Variants in SRGAP1 observed in about 807,000 individuals in gnomAD.
The protein encoded by SRGAP1 is SLIT-ROBO Rho GTPase activating protein 1.
A neutral mutation model predicts 121.9 loss-of-function variants in SRGAP1; 43 were observed. The observed-to-expected ratio is 0.35, with a 90% CI of 0.28 to 0.46. The LOEUF is 0.46. Among genes scored for constraint, SRGAP1 ranks in the 20% least tolerant of loss-of-function variants. SRGAP1 has a pLI of 1.00. For synonymous variants in SRGAP1, 447 were observed against 485.4 expected (o/e 0.92, Z 1.04); for missense variants, 1,102 against 1,350.9 (o/e 0.82, Z 2.89).
chr12:64,125,913 A>G lies in SRGAP1; in HGVS notation c.2225-64A>G, dbSNP rs1212069509. The stretch of plus-strand genomic sequence containing the variant: ...ATTTGAAGCCTCATAGAGCCCTCAC[A>G]GATAGGATACCATGCCTTCCTAACA... On this transcript the variant is annotated intron_variant, in intron 18 of 21. Coordinates refer to ENST00000355086, the MANE Select transcript of SRGAP1 (RefSeq NM_020762.4). 3 of 1,550,666 alleles carry G rather than the reference A, an allele frequency of 1.9e-6. No homozygotes were observed. In the African/African-American group the frequency reaches 4.1e-5, roughly 21 times the overall value.
At chr12:64,072,148 G>GTGTGTGTGT (rs1555171583) in intron 8 of SRGAP1, among the ~76,000 whole-genome samples, 103 of 52,924 alleles carry the variant, frequency 1.9e-3, no homozygotes, top group Non-Finnish European at 3.0e-3. Context: ...GTGTGTGTGT[G>GTGTGTGTGT]GGCGGCGGGG....
rs1402044480 is a variant in SRGAP1 at position 64,150,853 on chromosome 12, T to A, written c.*8181T>A. The A allele has an allele frequency of 6.7e-6, 1 of 148,238 alleles. No individual in the cohort carries two copies. Among genetic ancestry groups the A allele is most frequent in the African/African-American group, 2.5e-5 (1 of 40,236 alleles). 9.2% of individuals were successfully genotyped at this position (148,238 alleles called of 1,614,324 possible). ...GGGAGGCTGAGGCAGGAAGATTGCT[T>A]GAGCCCAGATGTTTGAGGCTGCAAT... On this transcript the variant is annotated 3_prime_UTR_variant, in exon 22 of 22. Transcript: ENST00000355086.
At chr12:64,048,549 C>G (rs1194604628) in intron 6 of SRGAP1, among the ~76,000 whole-genome samples, 1 of 152,114 alleles carries the variant, frequency 6.6e-6, no homozygotes, top group Non-Finnish European at 1.5e-5. Context: ...TATGATAACT[C>G]TATTTTTAGT....
rs1051722589 is a variant in SRGAP1 at position 64,145,317 on chromosome 12, C to T, written c.*2645C>T. The T allele has an allele frequency of 6.6e-6, 1 of 152,242 alleles. No individual in the cohort carries two copies. The highest frequency in any genetic ancestry group is 2.1e-4 in the South Asian group (1 of 4,826). The allele number at this position is 152,242 out of a possible 1,614,324, so 9.4% of individuals were successfully genotyped here. On this transcript the variant is annotated 3_prime_UTR_variant, in exon 22 of 22. Coordinates refer to ENST00000355086, the MANE Select transcript of SRGAP1 (RefSeq NM_020762.4). ...TCCTCCTACCTGTTCATTTATTCAG[C>T]CTTCTATCTGGTCATCCTCCCCAGC...
intron 1 of SRGAP1, among the ~76,000 whole-genome samples, chr12:63,971,205 A>G (rs2032938527): frequency 6.6e-6 from 1 of 152,014 alleles, no homozygotes; most frequent in South Asian, 2.1e-4. Flanking sequence ...GTTCCTGCCT[A>G]TGTGTTCTCA....
chr12:64,112,993 A>C (rs1253346573), intron 17 of SRGAP1, among the ~76,000 whole-genome samples: 1 of 151,958 alleles, frequency 6.6e-6, no homozygotes, highest in South Asian at 2.1e-4. Context: ...GTAGTCCCAG[A>C]TACTTGAGAA....
chr12:63,954,113 CT>C (rs2032382490), intron 1 of SRGAP1, among the ~76,000 whole-genome samples: 1 of 152,182 alleles, frequency 6.6e-6, no homozygotes, highest in African/African-American at 2.4e-5. Flanking sequence ...ATATTCTTTT[CT>C]GTTTTGTTTT....
At chr12:63,879,792 T>A (rs1900135145) in intron 1 of SRGAP1, among the ~76,000 whole-genome samples, 1 of 152,198 alleles carries the variant, frequency 6.6e-6, no homozygotes. Context: ...ATTAATTATC[T>A]ACCCAAATCC....
intron 1 of SRGAP1, among the ~76,000 whole-genome samples, chr12:63,858,905 G>C (rs1217674647): frequency 6.6e-6 from 1 of 151,896 alleles, no homozygotes; most frequent in Non-Finnish European, 1.5e-5. Context: ...GTTTTGCCAT[G>C]TTGGCCTGGC....
At chr12:63,877,264 T>C (rs371984476) in intron 1 of SRGAP1, among the ~76,000 whole-genome samples, 6 of 152,278 alleles carry the variant, frequency 3.9e-5, no homozygotes, top group African/African-American at 1.4e-4. Context: ...AATGCTTCTT[T>C]AATTGTGTAG....
rs541555778 is a variant in SRGAP1 at position 63,997,312 on chromosome 12, G to A, written c.426+7240G>A. On this transcript the variant is annotated intron_variant, in intron 3 of 21. Coordinates refer to ENST00000355086, the MANE Select transcript of SRGAP1 (RefSeq NM_020762.4). ...ACAGTAGATTATACCATATAGAACAGGTATATAGTAGTCTATACCATCTGG... is the reference window on the plus strand; with the variant it reads ...ACAGTAGATTATACCATATAGAACAAGTATATAGTAGTCTATACCATCTGG... Among the ~76,000 whole-genome samples the A allele has an allele frequency of 3.9e-5, 6 of 152,110 alleles. No individual in the cohort carries two copies. In the East Asian group the frequency reaches 7.7e-4, roughly 20 times the overall value.
rs990638733 is a variant in SRGAP1, at chr12:64,122,220, A to G, written c.2225-3757A>G. On this transcript the variant is annotated intron_variant, in intron 18 of 21. Transcript: ENST00000355086. ...CCTTTTGCACAAAATTATATTACCC[A>G]TGCAGGAAAACTAAGTGATCATGTT... Among the ~76,000 whole-genome samples the G allele has an allele frequency of 1.3e-4, 20 of 152,214 alleles. No homozygotes were observed. The East Asian group carries it at 1.3e-3, about 10-fold the overall frequency.
Position 64,156,730 on chromosome 12 carries a change from A to G in SRGAP1, c.*14058A>G, listed in dbSNP as rs1263733108. ...GGCCTCAAGGAAAGTGGGCTCAGCA[A>G]TGAGTGTTGGTACACATGGAAAATC... On this transcript the variant is annotated 3_prime_UTR_variant, in exon 22 of 22. Coordinates refer to ENST00000355086, the MANE Select transcript of SRGAP1 (RefSeq NM_020762.4). 1 of 152,234 alleles carries G rather than the reference A, an allele frequency of 6.6e-6. No individual in the cohort carries two copies. The highest frequency in any genetic ancestry group is 1.5e-5 in the Non-Finnish European group (1 of 68,046). 9.4% of individuals were successfully genotyped at this position (152,234 alleles called of 1,614,324 possible).
intron 2 of SRGAP1, among the ~76,000 whole-genome samples, chr12:63,987,202 A>G (rs2033441871): frequency 1.3e-5 from 2 of 152,212 alleles, no homozygotes; most frequent in Admixed American, 1.3e-4. Context: ...TGTCTTTAGC[A>G]TGATATCATT....
chr12:63,981,340 G>A (rs1008047763), intron 1 of SRGAP1, among the ~76,000 whole-genome samples: 1 of 151,476 alleles, frequency 6.6e-6, no homozygotes, highest in Non-Finnish European at 1.5e-5. Flanking sequence ...TTTCTTACTT[G>A]GCACTAAGGC....
intron 18 of SRGAP1, among the ~76,000 whole-genome samples, chr12:64,121,076 C>T (rs574774942): frequency 6.7e-6 from 1 of 148,396 alleles, no homozygotes; most frequent in East Asian, 2.0e-4. Flanking sequence ...TACAGTGGCA[C>T]AATCTTGGCT....
chr12:64,031,750 CT>C (rs1448867647), intron 4 of SRGAP1, among the ~76,000 whole-genome samples: 1 of 152,176 alleles, frequency 6.6e-6, no homozygotes, highest in Non-Finnish European at 1.5e-5. Flanking sequence ...ATTTTTCCCT[CT>C]ATGATCACGC....
intron 2 of SRGAP1, among the ~76,000 whole-genome samples, chr12:63,984,942 GGCGGCGGAGGTTGCAGTGA>G (rs1210405433): frequency 1.3e-5 from 2 of 151,906 alleles, no homozygotes; most frequent in Non-Finnish European, 2.9e-5. Flanking sequence ...CTTGAACCTG[GGCGGCGGAGGTTGCAGTGA>G]GCTGAGATTG....
At chr12:63,986,335 G>A (rs538322712) in intron 2 of SRGAP1, among the ~76,000 whole-genome samples, 4 of 152,138 alleles carry the variant, frequency 2.6e-5, no homozygotes, top group Non-Finnish European at 2.9e-5. Flanking sequence ...GGAAGCAGAG[G>A]CTGGAGCCAG....
Sources: gnomAD v4.1 joint callset for allele counts (sites outside exome capture counted in the v4.1 genomes callset) on GRCh38, gnomAD v4.1.1 for gene constraint, MANE v1.5 for transcripts, NCBI Gene and HGNC (gene_info 2026-07-23, HGNC 2026-07-21) for gene names.